The following NXPE4 variants were observed in gnomAD, a reference collection of about 807,000 sequenced individuals.
The protein encoded by NXPE4 is NXPE family member 4.
In NXPE4, 42 loss-of-function variants were observed where a neutral mutation model predicts 33.3. The observed-to-expected ratio is 1.26, with a 90% CI of 0.98 to 1.63. NXPE4 has a LOEUF of 1.63. Among genes scored for constraint, NXPE4 ranks in the 40% most tolerant of loss-of-function variants. The pLI, the probability that NXPE4 is intolerant of heterozygous loss-of-function variation, is 0.00. For synonymous variants in NXPE4, 253 were observed against 234.9 expected, an observed-to-expected ratio of 1.08 and a Z score of -0.71; for missense variants, 709 against 647.6, an observed-to-expected ratio of 1.09 and a Z score of -1.03.
At chr11:114,652,172 C>A in the NXPE4 span, among the ~76,000 whole-genome samples, 1 of 152,108 alleles carries the variant, frequency 6.6e-6, no homozygotes, top group African/African-American at 2.4e-5. Context: ...GAGAGATAAG[C>A]AGGGAGAGAA....
chr11:114,636,277 G>T, the NXPE4 span, among the ~76,000 whole-genome samples: 1 of 151,864 alleles, frequency 6.6e-6, no homozygotes, highest in East Asian at 1.9e-4. Flanking sequence ...TTCTCTGATG[G>T]TAGTTTGTAT....
the NXPE4 span, among the ~76,000 whole-genome samples, chr11:114,639,570 G>A: frequency 4.0e-5 from 6 of 150,334 alleles, no homozygotes; most frequent in Non-Finnish European, 7.4e-5. Flanking sequence ...CGCTCAGGCC[G>A]GGAGCTGTAG....
the NXPE4 span, among the ~76,000 whole-genome samples, chr11:114,640,823 TG>T: frequency 6.6e-6 from 1 of 152,182 alleles, no homozygotes; most frequent in South Asian, 2.1e-4. Flanking sequence ...CTTCCTAATT[TG>T]TTTGAGGTCC....
the NXPE4 span, among the ~76,000 whole-genome samples, chr11:114,626,146 G>A: frequency 9.2e-3 from 1,407 of 152,220 alleles, 21 homozygotes; most frequent in African/African-American, 0.032. Flanking sequence ...CAAAGCAGCC[G>A]GGAAGCTCGA....
At chr11:114,629,586 A>T in the NXPE4 span, among the ~76,000 whole-genome samples, 2 of 151,952 alleles carry the variant, frequency 1.3e-5, no homozygotes, top group African/African-American at 4.8e-5. Context: ...CAAAAACTGG[A>T]AGCATTCCCT....
chr11:114,608,016 G>A, the NXPE4 span, among the ~76,000 whole-genome samples: 2 of 150,866 alleles, frequency 1.3e-5, no homozygotes, highest in Admixed American at 1.3e-4. Flanking sequence ...TGTTGCCTCA[G>A]GGAAACCACT....
the NXPE4 span, among the ~76,000 whole-genome samples, chr11:114,609,530 C>T: frequency 6.6e-6 from 1 of 151,830 alleles, no homozygotes; most frequent in African/African-American, 2.4e-5. Flanking sequence ...TCGTGGGTAA[C>T]CACTGTTACC....
chr11:114,597,572 T>C (rs1253228621), upstream of NXPE4, among the ~76,000 whole-genome samples: 1 of 152,204 alleles, frequency 6.6e-6, no homozygotes, highest in Admixed American at 6.5e-5. Context: ...GCTCTGTCCA[T>C]AGAGAAGCCC....
intron 2 of NXPE4, among the ~76,000 whole-genome samples, chr11:114,585,021 G>A (rs903859030): frequency 6.6e-6 from 1 of 152,072 alleles, no homozygotes; most frequent in Non-Finnish European, 1.5e-5. Flanking sequence ...CTTTGGAAAG[G>A]TGCCTTTATT....
At chr11:114,620,634 A>G in the NXPE4 span, among the ~76,000 whole-genome samples, 18 of 150,770 alleles carry the variant, frequency 1.2e-4, no homozygotes, top group East Asian at 3.6e-3. Context: ...TGTTGCCTCT[A>G]GAGTAACCCA....
chr11:114,614,463 G>C, the NXPE4 span, among the ~76,000 whole-genome samples: 2 of 151,858 alleles, frequency 1.3e-5, no homozygotes, highest in Non-Finnish European at 2.9e-5. Context: ...TTACCCGCTG[G>C]ATGACAAGTG....
At chr11:114,601,739 AAT>A in the NXPE4 span, among the ~76,000 whole-genome samples, 1 of 71,364 alleles carries the variant, frequency 1.4e-5, no homozygotes, top group Non-Finnish European at 2.4e-5. Context: ...TATTATATAT[AAT>A]TATAATATAT....
At chr11:114,574,519 T>C (rs1055011082) in intron 5 of NXPE4, among the ~76,000 whole-genome samples, 2 of 152,004 alleles carry the variant, frequency 1.3e-5, no homozygotes, top group Non-Finnish European at 2.9e-5. Flanking sequence ...ACAGGAGATA[T>C]TACAACTGAT....
the NXPE4 span, among the ~76,000 whole-genome samples, chr11:114,653,130 A>C: frequency 6.6e-6 from 1 of 152,234 alleles, no homozygotes; most frequent in Non-Finnish European, 1.5e-5. Flanking sequence ...CATAAATAAC[A>C]ATACTGACTT....
At chr11:114,643,238 T>TCTTTA in the NXPE4 span, among the ~76,000 whole-genome samples, 4 of 152,150 alleles carry the variant, frequency 2.6e-5, no homozygotes, top group African/African-American at 9.6e-5. Context: ...TTTCTTTTGC[T>TCTTTA]GTGCAGAAGC....
At chr11:114,639,588 C>T in the NXPE4 span, among the ~76,000 whole-genome samples, 1 of 149,928 alleles carries the variant, frequency 6.7e-6, no homozygotes, top group Non-Finnish European at 1.5e-5. Context: ...TAGACTGGAG[C>T]TGTTCCTATT....
the NXPE4 span, among the ~76,000 whole-genome samples, chr11:114,658,391 C>T: frequency 1.0e-3 from 155 of 152,268 alleles, 1 homozygote; most frequent in Admixed American, 8.3e-3. Flanking sequence ...AGACTTTGCA[C>T]ATAAAGGGAA....
chr11:114,595,003 G>A (rs992060080), intron 1 of NXPE4, among the ~76,000 whole-genome samples: 2 of 152,046 alleles, frequency 1.3e-5, no homozygotes, highest in African/African-American at 4.8e-5. Flanking sequence ...AGCCCACTGT[G>A]ATCTTTAAGA....
At chr11:114,618,415 G>A in the NXPE4 span, among the ~76,000 whole-genome samples, 1 of 151,992 alleles carries the variant, frequency 6.6e-6, no homozygotes, top group Non-Finnish European at 1.5e-5. Context: ...TTGCCTCATG[G>A]GTAACCACTG....
Sources: allele counts gnomAD v4.1 joint callset (sites outside exome capture counted in the v4.1 genomes callset), GRCh38; gene constraint gnomAD v4.1.1; transcripts MANE v1.5; gene names NCBI Gene and HGNC (gene_info 2026-07-23, HGNC 2026-07-21).